Variants in CERS5 observed in about 807,000 individuals in gnomAD.
The protein encoded by CERS5 is LAG1 homolog, ceramide synthase 5.
A neutral mutation model predicts 58.9 loss-of-function variants in CERS5; 37 were observed. That is an observed-to-expected ratio of 0.63 (90% CI 0.48 to 0.83). The LOEUF is 0.83. Ranked by LOEUF, CERS5 falls within the 40% of genes least tolerant of loss-of-function variation. The probability of loss-of-function intolerance (pLI) is 0.00; values close to 1 mark genes in which losing one functional copy is unlikely to be tolerated. For synonymous variants in CERS5, 147 were observed against 177.8 expected (o/e 0.83, Z 1.38); for missense variants, 398 against 489.3 (o/e 0.81, Z 1.76).
chr12:50,138,212 G>A (rs1951787554), intron 5 of CERS5, among the ~76,000 whole-genome samples: 1 of 152,124 alleles, frequency 6.6e-6, no homozygotes, highest in Non-Finnish European at 1.5e-5. Flanking sequence ...GCTCTACTGG[G>A]ATTCCAAGTT....
At chr12:50,162,651 TG>T (rs912280247) in intron 1 of CERS5, among the ~76,000 whole-genome samples, 2 of 151,910 alleles carry the variant, frequency 1.3e-5, no homozygotes, top group African/African-American at 2.4e-5. Flanking sequence ...TTGCCTAAGC[TG>T]GAGTGCAGTG....
chr12:50,148,498 G>A (rs1029335337), intron 1 of CERS5: 13 of 313,196 alleles, frequency 4.2e-5, no homozygotes, highest in African/African-American at 2.9e-4. Context: ...TCAGGAGGCT[G>A]AGGTGAGAGG....
intron 1 of CERS5, among the ~76,000 whole-genome samples, chr12:50,146,494 C>T (rs912808446): frequency 6.6e-6 from 1 of 152,152 alleles, no homozygotes; most frequent in Non-Finnish European, 1.5e-5. Flanking sequence ...ACATCCTGCC[C>T]TCGTTAGTTC....
chr12:50,130,276 C>T lies in CERS5; in HGVS notation c.*269G>A. On this transcript the variant is annotated 3_prime_UTR_variant, in exon 10 of 10. Transcript: ENST00000317551. The stretch of plus-strand genomic sequence containing the variant: ...GCCCCAGTCCACAATTGTGCCCCAA[C>T]CCCGGCAATGAAACTCACGCATATG... 3.4e-6 allele frequency: 1 copy of T among 295,896 alleles called. No homozygotes were observed. Among genetic ancestry groups the T allele is most frequent in the Non-Finnish European group, 6.2e-6 (1 of 160,068 alleles). The allele number at this position is 295,896 out of a possible 1,614,324, so 18.3% of individuals were successfully genotyped here. A position where few individuals can be genotyped will look rare whatever the true frequency, so the allele number is the denominator to read the frequency against.
At chr12:50,137,278 G>A (rs898429179) in intron 6 of CERS5, among the ~76,000 whole-genome samples, 18 of 152,182 alleles carry the variant, frequency 1.2e-4, no homozygotes, top group Admixed American at 6.5e-5. Context: ...AGCAGGAAGA[G>A]AGCAAAACCC....
At chr12:50,131,934 C>T (rs1181186639) in intron 9 of CERS5, among the ~76,000 whole-genome samples, 2 of 151,046 alleles carry the variant, frequency 1.3e-5, no homozygotes, top group East Asian at 3.9e-4. Context: ...CCTGTCTCTA[C>T]AAAAAATAAA....
At chr12:50,167,032 G>A in intron 1 of CERS5, 69 bp downstream of exon 1, 1 of 1,236,006 alleles carries the variant, frequency 8.1e-7, no homozygotes, top group South Asian at 1.5e-5. Flanking sequence ...TCCGGCCCTC[G>A]GCCCTTCCCA....
At chr12:50,149,395 CTT>C (rs1270281330) in intron 1 of CERS5, among the ~76,000 whole-genome samples, 2 of 152,168 alleles carry the variant, frequency 1.3e-5, no homozygotes, top group Non-Finnish European at 2.9e-5. Context: ...TCACTCTGCC[CTT>C]TTCCTGCTCT....
In CERS5 at chr12:50,130,044, T is replaced by C. The variant is rs1322924748; in HGVS notation, c.*501A>G. ...ATCCATGGTTCTGTTTCTATACAACTTCATCATGTGACATATTCCAGCTGT... is the reference window on the plus strand; with the variant it reads ...ATCCATGGTTCTGTTTCTATACAACCTCATCATGTGACATATTCCAGCTGT... On this transcript the variant is annotated 3_prime_UTR_variant, in exon 10 of 10. Transcript: ENST00000317551. 6.5e-6 allele frequency: 1 copy of C among 152,882 alleles called. No individual in the cohort carries two copies. The highest frequency in any genetic ancestry group is 1.5e-5 in the Non-Finnish European group (1 of 68,266). The allele number at this position is 152,882 out of a possible 1,614,324, so 9.5% of individuals were successfully genotyped here. A position where few individuals can be genotyped will look rare whatever the true frequency, so the allele number is the denominator to read the frequency against.
chr12:50,134,601 A>T lies in CERS5; in HGVS notation c.974T>A (p.Val325Asp). 6.2e-7 allele frequency: 1 copy of T among 1,614,202 alleles called. No individual in the cohort carries two copies. Among genetic ancestry groups the T allele is most frequent in the Non-Finnish European group, 8.5e-7 (1 of 1,180,032 alleles). The stretch of plus-strand genomic sequence containing the variant: ...CCGTGCAATTAGGTAGGACCAGATG[A>T]CATGCAGAAGCTGTAGGGTCAGCAG... ...GLLLTLQLLHVIWSYLIARIA... is the reference protein window; with the variant it reads ...GLLLTLQLLHDIWSYLIARIA... The change falls in exon 9 of 10, where the codon GTC (valine) becomes GAC (aspartate). Residue 325 changes from valine to aspartate, a missense_variant. Val to Asp is a radical substitution (Grantham distance 152, BLOSUM62 -3). Coordinates refer to ENST00000317551, the MANE Select transcript of CERS5 (RefSeq NM_147190.5).
chr12:50,166,844 C>T (rs1447406990), intron 1 of CERS5, among the ~76,000 whole-genome samples: 1 of 152,154 alleles, frequency 6.6e-6, no homozygotes, highest in African/African-American at 2.4e-5. Context: ...CCCCCCAATC[C>T]AACTCCGGAT....
At chr12:50,133,370 C>T in intron 9 of CERS5, 1 of 1,053,024 alleles carries the variant, frequency 9.5e-7, no homozygotes, top group Non-Finnish European at 1.2e-6. Flanking sequence ...CTTTCTTTCG[C>T]TCTTGGCATA....
intron 9 of CERS5, among the ~76,000 whole-genome samples, chr12:50,132,715 G>T (rs2137992775): frequency 9.8e-6 from 1 of 101,730 alleles, no homozygotes; most frequent in East Asian, 7.8e-4. Context: ...TCCACTAGAG[G>T]GCAGAGTGTC....
chr12:50,154,607 T>G (rs1175423645), intron 1 of CERS5, among the ~76,000 whole-genome samples: 2 of 152,200 alleles, frequency 1.3e-5, no homozygotes, highest in Non-Finnish European at 2.9e-5. Flanking sequence ...ATCAATGCTG[T>G]TCTTCTATTT....
chr12:50,143,166 C>T lies in CERS5; in HGVS notation c.342G>A (p.Gln114=). 6.2e-7 allele frequency: 1 copy of T among 1,614,120 alleles called. No homozygotes were observed. Among genetic ancestry groups the T allele is most frequent in the South Asian group, 1.1e-5 (1 of 91,080 alleles). Residue 114 remains glutamine (Q), a synonymous_variant, in exon 3 of 10, where the codon CAG becomes CAA. Coordinates refer to ENST00000317551, the MANE Select transcript of CERS5 (RefSeq NM_147190.5). ...GGATTTTTCGGACATTCCAATCCAGCTGCTTTGACAGGCCCTCCAGCCTTT... is the reference window on the plus strand; with the variant it reads ...GGATTTTTCGGACATTCCAATCCAGTTGCTTTGACAGGCCCTCCAGCCTTT... ...DKKRLEGLSK[Q]LDWNVRKIQC...
intron 1 of CERS5, among the ~76,000 whole-genome samples, chr12:50,162,999 A>G (rs35998534): frequency 0.29 from 44,449 of 152,032 alleles, 7,608 homozygotes; most frequent in Middle Eastern, 0.4. Context: ...CCTGGGCTCA[A>G]GCCATCTTCC....
chr12:50,158,226 C>T (rs958247866), intron 1 of CERS5, among the ~76,000 whole-genome samples: 1 of 152,062 alleles, frequency 6.6e-6, no homozygotes, highest in Non-Finnish European at 1.5e-5. Flanking sequence ...CCCACTTGTT[C>T]CTTTCATTAA....
chr12:50,148,031 G>A (rs374089049), intron 1 of CERS5, among the ~76,000 whole-genome samples: 4 of 152,184 alleles, frequency 2.6e-5, no homozygotes, highest in East Asian at 3.9e-4. Context: ...GGCTGGGCAC[G>A]GTGGCTAATG....
At chr12:50,160,477 G>T (rs1044900092) in intron 1 of CERS5, among the ~76,000 whole-genome samples, 4 of 151,960 alleles carry the variant, frequency 2.6e-5, no homozygotes, top group African/African-American at 9.7e-5. Flanking sequence ...CCCCAGTGAG[G>T]TTGCCTTGAA....
Sources: gnomAD v4.1 joint callset for allele counts (sites outside exome capture counted in the v4.1 genomes callset) on GRCh38, gnomAD v4.1.1 for gene constraint, MANE v1.5 for transcripts, NCBI Gene and HGNC (gene_info 2026-07-23, HGNC 2026-07-21) for gene names.